Variants in KLF8 observed in about 807,000 individuals in gnomAD.
KLF8 encodes the protein KLF transcription factor 8.
A neutral mutation model predicts 18.2 loss-of-function variants in KLF8; 10 were observed. That is an observed-to-expected ratio of 0.55 (90% CI 0.34 to 0.93). The LOEUF (loss-of-function observed/expected upper bound fraction) is 0.93, where lower values mean the gene tolerates loss of function less well. Among genes scored for constraint, KLF8 ranks in the 40% least tolerant of loss-of-function variants. The pLI is 0.02. For missense variants in KLF8, 264 were observed against 277.9 expected (o/e 0.95, Z 0.36); for synonymous variants, 109 against 97.3 (o/e 1.12, Z -0.71).
chrX:56,078,881 G>C, the KLF8 span, among the ~76,000 whole-genome samples: 1 of 111,145 alleles, frequency 9.0e-6, no homozygotes, highest in Admixed American at 9.5e-5. Context: ...GAGAGTGTAT[G>C]TGTCCAGGAA....
chrX:56,200,654 C>A, the KLF8 span, among the ~76,000 whole-genome samples: 20 of 101,657 alleles, frequency 2.0e-4, no homozygotes, highest in East Asian at 6.0e-4. Context: ...AGGAAACAAT[C>A]AAAAAAAAAA....
chrX:56,120,343 T>C, the KLF8 span, among the ~76,000 whole-genome samples: 2 of 111,682 alleles, frequency 1.8e-5, no homozygotes, highest in African/African-American at 6.5e-5. Flanking sequence ...ACAGGAAATT[T>C]TCCCTGAGTT....
chrX:56,020,895 C>T, the KLF8 span, among the ~76,000 whole-genome samples: 1 of 112,004 alleles, frequency 8.9e-6, no homozygotes, highest in Non-Finnish European at 1.9e-5. Flanking sequence ...TAACACAGAA[C>T]ACAGCATGCT....
chrX:55,917,381 C>T, the KLF8 span, among the ~76,000 whole-genome samples: 1 of 111,990 alleles, frequency 8.9e-6, no homozygotes, highest in South Asian at 3.7e-4. Context: ...TCTCCTTTAT[C>T]CAATTCTTTA....
chrX:56,174,704 C>T, the KLF8 span, among the ~76,000 whole-genome samples: 2 of 111,345 alleles, frequency 1.8e-5, no homozygotes, highest in African/African-American at 3.3e-5. Context: ...TGGTAGATTT[C>T]GGCTGTGAAT....
the KLF8 span, among the ~76,000 whole-genome samples, chrX:56,200,285 C>A: frequency 9.1e-6 from 1 of 109,445 alleles, no homozygotes. Context: ...CTCACAAAAA[C>A]TAAAACTTAA....
At chrX:55,940,848 C>G in the KLF8 span, among the ~76,000 whole-genome samples, 1 of 111,627 alleles carries the variant, frequency 9.0e-6, no homozygotes, top group African/African-American at 3.3e-5. Context: ...AGGAGAACTA[C>G]AAACCACTGC....
At chrX:56,072,623 AC>A in the KLF8 span, among the ~76,000 whole-genome samples, 232 of 112,228 alleles carry the variant, frequency 2.1e-3, 1 homozygote, top group Non-Finnish European at 2.7e-3. Context: ...ACTAATACAG[AC>A]TTCTAAATTG....
At chrX:55,991,161 G>T in the KLF8 span, among the ~76,000 whole-genome samples, 1 of 112,262 alleles carries the variant, frequency 8.9e-6, no homozygotes. Context: ...TCCATTTGGA[G>T]CTTCCTGGCC....
chrX:56,022,272 C>A, the KLF8 span, among the ~76,000 whole-genome samples: 1 of 110,791 alleles, frequency 9.0e-6, no homozygotes, highest in African/African-American at 3.3e-5. Flanking sequence ...TGAGGCCAGG[C>A]ATGGTGGCTC....
chrX:56,041,537 C>A, the KLF8 span, among the ~76,000 whole-genome samples: 1 of 104,649 alleles, frequency 9.6e-6, no homozygotes, highest in Admixed American at 1.0e-4. Flanking sequence ...TTTTTCATGT[C>A]TCTATCTCCT....
the KLF8 span, among the ~76,000 whole-genome samples, chrX:55,986,672 C>T: frequency 8.9e-6 from 1 of 111,786 alleles, no homozygotes; most frequent in African/African-American, 3.2e-5. Context: ...CGTTATTTGC[C>T]CACTTTAATG....
chrX:55,936,659 A>T, the KLF8 span, among the ~76,000 whole-genome samples: 3 of 112,647 alleles, frequency 2.7e-5, no homozygotes, highest in South Asian at 7.3e-4. Context: ...GCACCTGGAA[A>T]ATCGGGTCAC....
At chrX:56,093,096 G>A in the KLF8 span, among the ~76,000 whole-genome samples, 7 of 109,525 alleles carry the variant, frequency 6.4e-5, no homozygotes, top group Admixed American at 4.9e-4. Context: ...AAAAATATCC[G>A]AAGCAGAAAA....
chrX:56,180,116 G>T, the KLF8 span, among the ~76,000 whole-genome samples: 1 of 111,359 alleles, frequency 9.0e-6, no homozygotes, highest in South Asian at 3.8e-4. Context: ...GAATCCGTCT[G>T]ATCCTGGACT....
upstream of KLF8, among the ~76,000 whole-genome samples, chrX:56,231,401 C>G (rs1405753828): frequency 8.9e-6 from 1 of 111,834 alleles, no homozygotes; most frequent in Non-Finnish European, 1.9e-5. Context: ...TATAACAGTA[C>G]CTAGTTCCCA....
At chrX:56,281,448 C>T (rs1371950412) in intron 5 of KLF8, among the ~76,000 whole-genome samples, 3 of 112,069 alleles carry the variant, frequency 2.7e-5, no homozygotes, top group Non-Finnish European at 5.6e-5. Context: ...CTTGCTCTGT[C>T]GCCCAGGCTG....
the KLF8 span, among the ~76,000 whole-genome samples, chrX:56,108,586 C>G: frequency 1.8e-5 from 2 of 111,558 alleles, no homozygotes; most frequent in African/African-American, 6.5e-5. Flanking sequence ...TATCTGTTTT[C>G]TATTTATGTA....
At chrX:56,197,340 C>T in the KLF8 span, among the ~76,000 whole-genome samples, 1 of 110,301 alleles carries the variant, frequency 9.1e-6, no homozygotes, top group African/African-American at 3.3e-5. Context: ...ATTGATAGAC[C>T]ACTAGCAAGA....
Sources: gnomAD v4.1 joint callset for allele counts (sites outside exome capture counted in the v4.1 genomes callset) on GRCh38, gnomAD v4.1.1 for gene constraint, MANE v1.5 for transcripts, NCBI Gene and HGNC (gene_info 2026-07-23, HGNC 2026-07-21) for gene names.